The following RGS7 variants were observed in gnomAD, a reference collection of about 807,000 sequenced individuals.
RGS7 encodes regulator of G protein signaling 7, also known as regulator of G-protein signaling 7.
RGS7 carries 27 observed loss-of-function variants against 81.1 expected under a neutral mutation model. The observed-to-expected ratio is 0.33, with a 90% confidence interval of 0.25 to 0.46. The LOEUF (loss-of-function observed/expected upper bound fraction) is 0.46, where lower values mean the gene tolerates loss of function less well. Among genes scored for constraint, RGS7 ranks in the 20% least tolerant of loss-of-function variants. RGS7 has a pLI of 1.00. For synonymous variants in RGS7, 208 were observed against 207.7 expected, an observed-to-expected ratio of 1.00 and a Z score of -0.01; for missense variants, 396 against 607.4, an observed-to-expected ratio of 0.65 and a Z score of 3.66.
chr1:241,041,480 G>A (rs1324777959), intron 3 of RGS7, among the ~76,000 whole-genome samples: 2 of 152,042 alleles, frequency 1.3e-5, no homozygotes, highest in Non-Finnish European at 2.9e-5. Context: ...TTTTACATAG[G>A]AATGATCCAG....
rs569523193 is a variant in RGS7, at chr1:240,991,922, C to G, written c.176-8793G>C. ...ACACAGGCCATGTCTAACTGTCTAACTGCCTCTATGAAGGACATAGGAGAT... is the reference window on the plus strand; with the variant it reads ...ACACAGGCCATGTCTAACTGTCTAAGTGCCTCTATGAAGGACATAGGAGAT... On this transcript the variant is annotated intron_variant, in intron 3 of 18. Transcript: ENST00000440928. Among the ~76,000 whole-genome samples, 17 of 152,278 alleles carry G rather than the reference C, an allele frequency of 1.1e-4. No individual in the cohort carries two copies. In the East Asian group the frequency reaches 3.1e-3, roughly 28 times the overall value.
intron 2 of RGS7, among the ~76,000 whole-genome samples, chr1:241,192,661 G>A (rs1209500256): frequency 6.6e-6 from 1 of 151,908 alleles, no homozygotes; most frequent in Non-Finnish European, 1.5e-5. Context: ...ATTTTTCCTT[G>A]GTGGGCCAAT....
chr1:241,340,656 A>G (rs1400110805), intron 2 of RGS7, among the ~76,000 whole-genome samples: 1 of 152,176 alleles, frequency 6.6e-6, no homozygotes, highest in African/African-American at 2.4e-5. Flanking sequence ...TTGAGGTTTC[A>G]TTCAAACTAA....
intron 2 of RGS7, among the ~76,000 whole-genome samples, chr1:241,101,009 C>A (rs780675768): frequency 8.2e-4 from 125 of 152,346 alleles, no homozygotes; most frequent in Admixed American, 1.3e-3. Flanking sequence ...AAGCCCACAT[C>A]TAACTCTGCT....
At chr1:240,798,269 C>T (rs1354431034) in intron 18 of RGS7, among the ~76,000 whole-genome samples, 1 of 152,094 alleles carries the variant, frequency 6.6e-6, no homozygotes, top group African/African-American at 2.4e-5. Flanking sequence ...CTCTAAAGTG[C>T]TAGTAAGTAT....
intron 2 of RGS7, among the ~76,000 whole-genome samples, chr1:241,273,405 T>C (rs1283764514): frequency 2.6e-5 from 4 of 151,954 alleles, no homozygotes; most frequent in African/African-American, 9.7e-5. Flanking sequence ...TTCTAAGCTC[T>C]GGAAATCTCT....
rs188655098 is a variant in RGS7 at position 240,901,089 on chromosome 1, G to T, written c.385+29628C>A. Among the ~76,000 whole-genome samples the T allele has an allele frequency of 3.7e-3, 564 of 152,286 alleles. 5 individuals carry two copies. The highest frequency in any genetic ancestry group is 0.013 in the African/African-American group (539 of 41,560). On this transcript the variant is annotated intron_variant, in intron 6 of 18. Transcript: ENST00000440928. ...AGGCTCCGTGGGTGTGGGACCCTCC[G>T]AGCCAGGCATGGGATATAATCTCCT...
At chr1:241,058,125 G>A (rs1010616739) in intron 3 of RGS7, among the ~76,000 whole-genome samples, 13 of 152,288 alleles carry the variant, frequency 8.5e-5, no homozygotes, top group African/African-American at 3.1e-4. Flanking sequence ...GTTATCATCA[G>A]TCTCCTGATG....
intron 2 of RGS7, among the ~76,000 whole-genome samples, chr1:241,276,400 T>C (rs1035261159): frequency 6.6e-6 from 1 of 152,208 alleles, no homozygotes; most frequent in African/African-American, 2.4e-5. Context: ...AGACAACCAT[T>C]CATAGGCAGA....
intron 4 of RGS7, among the ~76,000 whole-genome samples, chr1:240,979,647 T>A (rs144711513): frequency 6.6e-6 from 1 of 152,178 alleles, no homozygotes; most frequent in Non-Finnish European, 1.5e-5. Flanking sequence ...ATGAAAGTTA[T>A]GAATTGGAGC....
At chr1:240,830,622 C>G (rs1278213436) in intron 9 of RGS7, among the ~76,000 whole-genome samples, 2 of 152,218 alleles carry the variant, frequency 1.3e-5, no homozygotes, top group Non-Finnish European at 2.9e-5. Flanking sequence ...GCATGCAGAG[C>G]ACATGCGTTG....
At chr1:241,066,405 T>A (rs897380932) in intron 3 of RGS7, among the ~76,000 whole-genome samples, 172 of 152,290 alleles carry the variant, frequency 1.1e-3, no homozygotes, top group African/African-American at 4.0e-3. Flanking sequence ...GCAACACAAA[T>A]AAAGAAACTA....
chr1:240,950,187 T>G lies in RGS7; in HGVS notation c.227-13481A>C, dbSNP rs148797294. Among the ~76,000 whole-genome samples the G allele has an allele frequency of 1.3e-3, 200 of 152,234 alleles. 1 individual carries two copies. Among genetic ancestry groups the G allele is most frequent in the African/African-American group, 4.6e-3 (192 of 41,544 alleles). On this transcript the variant is annotated intron_variant, in intron 4 of 18. Coordinates refer to ENST00000440928, the MANE Select transcript of RGS7 (RefSeq NM_001364886.1). ...GACAATAAGGAACTCGAGGGGCTCA[T>G]AGTGTTGGTGGGGAATGGAGCACAT...
intron 4 of RGS7, among the ~76,000 whole-genome samples, chr1:240,962,281 C>T (rs545239463): frequency 1.7e-4 from 26 of 152,208 alleles, no homozygotes; most frequent in African/African-American, 4.3e-4. Context: ...GCTGCTGTCA[C>T]GCTCTGTCTA....
chr1:240,779,179 AT>A (rs932674510), intron 18 of RGS7, among the ~76,000 whole-genome samples: 24 of 150,110 alleles, frequency 1.6e-4, no homozygotes, highest in African/African-American at 4.2e-4. Context: ...CAATGGCGCA[AT>A]CTCGGGTCAC....
At chr1:240,989,275 T>TAA (rs879360828) in intron 3 of RGS7, among the ~76,000 whole-genome samples, 1 of 138,278 alleles carries the variant, frequency 7.2e-6, no homozygotes, top group South Asian at 2.3e-4. Flanking sequence ...CTGTCTCTAC[T>TAA]AAAAAAAAAA....
chr1:240,981,818 AT>A (rs1458102054), intron 4 of RGS7, among the ~76,000 whole-genome samples: 1 of 152,204 alleles, frequency 6.6e-6, no homozygotes, highest in African/African-American at 2.4e-5. Flanking sequence ...GTATTGCTTT[AT>A]AAAGCTAGCT....
intron 3 of RGS7, among the ~76,000 whole-genome samples, chr1:241,022,972 C>T (rs1479343176): frequency 2.0e-5 from 3 of 151,826 alleles, no homozygotes; most frequent in Non-Finnish European, 4.4e-5. Context: ...CTAATAACAA[C>T]TATTGTTGTT....
At chr1:240,832,987 T>C (rs1694101909) in intron 9 of RGS7, among the ~76,000 whole-genome samples, 1 of 152,182 alleles carries the variant, frequency 6.6e-6, no homozygotes, top group African/African-American at 2.4e-5. Flanking sequence ...GTTTTTCTTA[T>C]ATATACACAT....
Sources: allele counts gnomAD v4.1 joint callset (sites outside exome capture counted in the v4.1 genomes callset), GRCh38; gene constraint gnomAD v4.1.1; transcripts MANE v1.5; gene names NCBI Gene and HGNC (gene_info 2026-07-23, HGNC 2026-07-21).